Variants in TEX2 observed in about 807,000 individuals in gnomAD.
TEX2 encodes the protein testis expressed 2.
In TEX2, 53 loss-of-function variants were observed where a neutral mutation model predicts 106.9. That is an observed-to-expected ratio of 0.50 (90% confidence interval 0.40 to 0.62). TEX2 has a LOEUF of 0.62. Among genes scored for constraint, TEX2 ranks in the 20% least tolerant of loss-of-function variants. TEX2 has a pLI of 0.00. For missense variants in TEX2, 1,207 were observed against 1,379.0 expected, an observed-to-expected ratio of 0.88 and a Z score of 1.98; for synonymous variants, 523 against 534.8, an observed-to-expected ratio of 0.98 and a Z score of 0.30.
Position 64,228,929 on chromosome 17 carries a change from TACAC to T in TEX2, c.-25-14691_-25-14688del, listed in dbSNP as rs57741930. Among the ~76,000 whole-genome samples, 929 of 146,730 alleles carry T rather than the reference TACAC, an allele frequency of 6.3e-3. 8 individuals are homozygous for T. The highest frequency in any genetic ancestry group is 8.8e-3 in the African/African-American group (348 of 39,476). On this transcript the variant is annotated intron_variant, in intron 1 of 11. Transcript: ENST00000584379. The stretch of plus-strand genomic sequence containing the variant: ...TGGCCTATACCTATGGACTGACAGG[TACAC>T]ACACACACACACACACACACACACA...
rs2033049474 is a variant in TEX2, at chr17:64,212,842, TCACTGTCAAGGACCA to T, written c.1361_1375del (p.Val454_Ser458del). On this transcript the variant is annotated inframe_deletion, in exon 2 of 12. Coordinates refer to ENST00000584379, the MANE Select transcript of TEX2 (RefSeq NM_001288732.2). ...CTGCACGGCCGAGTCCACCTCGTCC[TCACTGTCAAGGACCA>T]CACCATCTTCCGCGAGCACCTCTGG... The T allele has an allele frequency of 6.2e-7, 1 of 1,613,990 alleles. No individual in the cohort carries two copies. Among genetic ancestry groups the T allele is most frequent in the African/African-American group, 1.3e-5 (1 of 74,920 alleles).
chr17:64,153,538 T>C lies in TEX2; in HGVS notation c.2931-384A>G, dbSNP rs2030469707. On this transcript the variant is annotated intron_variant, in intron 9 of 11. Coordinates refer to ENST00000584379, the MANE Select transcript of TEX2 (RefSeq NM_001288732.2). The surrounding 1 kb of genome is among the most constrained non-coding windows in gnomAD (Gnocchi z 4.1). ...TGCAGAGGTTTCTCACCTGTCCTCCTTTATACTACTCCAATACCAGACAGA... is the reference window on the plus strand; with the variant it reads ...TGCAGAGGTTTCTCACCTGTCCTCCCTTATACTACTCCAATACCAGACAGA... Among the ~76,000 whole-genome samples the C allele has an allele frequency of 6.6e-6, 1 of 152,216 alleles. No individual in the cohort carries two copies. Among genetic ancestry groups the C allele is most frequent in the South Asian group, 2.1e-4 (1 of 4,832 alleles).
At chr17:64,190,477 T>C (rs559795521) in intron 4 of TEX2, among the ~76,000 whole-genome samples, 6 of 152,230 alleles carry the variant, frequency 3.9e-5, no homozygotes, top group Admixed American at 1.3e-4. Flanking sequence ...CCACACTCCA[T>C]GTAGAGGAGG....
intron 9 of TEX2, among the ~76,000 whole-genome samples, chr17:64,154,169 C>T (rs375875250): frequency 2.0e-5 from 3 of 152,344 alleles, no homozygotes; most frequent in East Asian, 3.9e-4. Context: ...TTGGCACCAA[C>T]TCCTCAAACA....
Position 64,212,953 on chromosome 17 carries a change from T to C in TEX2, c.1265A>G (p.Tyr422Cys), listed in dbSNP as rs1212407848. 3 of 1,614,118 alleles carry C rather than the reference T, an allele frequency of 1.9e-6. No homozygotes were observed. In the African/African-American group the frequency reaches 4.0e-5, roughly 22 times the overall value. The change falls in exon 2 of 12, where the codon TAC (tyrosine) becomes TGC (cysteine). Residue 422 changes from tyrosine (Y) to cysteine (C), a missense_variant. Tyr to Cys is a radical substitution (Grantham distance 194). Coordinates refer to ENST00000584379, the MANE Select transcript of TEX2 (RefSeq NM_001288732.2). ...CGTTTCCAAATCGAAGTCCTCAGTG[T>C]ACAGTTCACAAAACTCTTCATCTTC... is the stretch of plus-strand genomic sequence containing the variant. ...SKEDEEFCEL[Y>C]TEDFDLETEG...
rs2030194740 is a variant in TEX2, at chr17:64,148,877, G to C, written c.*92C>G. The stretch of plus-strand genomic sequence containing the variant: ...AGTCCTTTAAGAAACAGTAGCTGTG[G>C]CACAGAGGCCAGTGCTACAGTACAG... On this transcript the variant is annotated 3_prime_UTR_variant, in exon 12 of 12. Coordinates refer to ENST00000584379, the MANE Select transcript of TEX2 (RefSeq NM_001288732.2). 6.6e-7 allele frequency: 1 copy of C among 1,507,608 alleles called. No homozygotes were observed. Among genetic ancestry groups the C allele is most frequent in the Non-Finnish European group, 9.0e-7 (1 of 1,106,800 alleles). The allele number at this position is 1,507,608 out of a possible 1,614,324, so 93.4% of individuals were successfully genotyped here.
At chr17:64,170,405 G>C (rs938712120) in intron 7 of TEX2, among the ~76,000 whole-genome samples, 7 of 152,168 alleles carry the variant, frequency 4.6e-5, no homozygotes, top group African/African-American at 1.4e-4. Flanking sequence ...GGCAGCTCCT[G>C]GCAAGCGGCT....
At chr17:64,225,908 G>A (rs1555633840) in intron 1 of TEX2, among the ~76,000 whole-genome samples, 1 of 152,036 alleles carries the variant, frequency 6.6e-6, no homozygotes, top group African/African-American at 2.4e-5. Flanking sequence ...AGTAGAAACA[G>A]AAATTCGCCA....
At position 64,213,190 on chromosome 17, in the gene TEX2, T is replaced by C. The variant is rs1555631914; in HGVS notation, c.1028A>G (p.Asn343Ser). 1 of 1,614,190 alleles carries C rather than the reference T, an allele frequency of 6.2e-7. No homozygotes were observed. The highest frequency in any genetic ancestry group is 1.7e-5 in the Admixed American group (1 of 60,024). Reference protein sequence around the residue: ...SLNGHLESNNNYSIKEEECDS... With the variant: ...SLNGHLESNNSYSIKEEECDS... ...ACACTCCTCCTCCTTGATGCTGTAGTTGTTATTGCTTTCCAAGTGCCCATT... is the reference window on the plus strand; with the variant it reads ...ACACTCCTCCTCCTTGATGCTGTAGCTGTTATTGCTTTCCAAGTGCCCATT... The change falls in exon 2 of 12, where the codon AAC becomes AGC. Residue 343 changes from asparagine (N) to serine (S), a missense_variant. Physicochemically the swap from Asn to Ser is conservative, Grantham distance 46 (BLOSUM62 1). This residue lies in a region of TEX2 where 1,067 missense variants were observed against 1,193.6 expected (regional missense o/e 0.89). Transcript: ENST00000584379. The surrounding 1 kb of genome is among the most constrained non-coding windows in gnomAD (Gnocchi z 4.4).
chr17:64,229,067 G>A (rs1447675373), intron 1 of TEX2, among the ~76,000 whole-genome samples: 2 of 151,320 alleles, frequency 1.3e-5, no homozygotes, highest in East Asian at 3.9e-4. Flanking sequence ...TAGAAACAAC[G>A]CTGCCTTTAA....
chr17:64,249,921 C>T (rs936573211), intron 1 of TEX2, among the ~76,000 whole-genome samples: 5 of 152,144 alleles, frequency 3.3e-5, no homozygotes, highest in Non-Finnish European at 5.9e-5. Flanking sequence ...ATTAACCTAC[C>T]CCATCAGGAT....
At chr17:64,176,319 C>T (rs2031614023) in intron 6 of TEX2, among the ~76,000 whole-genome samples, 2 of 152,152 alleles carry the variant, frequency 1.3e-5, no homozygotes, top group African/African-American at 2.4e-5. Context: ...CCTCTATGCC[C>T]ATATTTTCCT....
At chr17:64,239,524 G>A (rs2033840420) in intron 1 of TEX2, among the ~76,000 whole-genome samples, 1 of 152,102 alleles carries the variant, frequency 6.6e-6, no homozygotes, top group African/African-American at 2.4e-5. Flanking sequence ...CCACTAAAAC[G>A]ATGAATAAAC....
intron 6 of TEX2, among the ~76,000 whole-genome samples, chr17:64,176,380 C>G (rs1417533459): frequency 6.6e-6 from 1 of 152,158 alleles, no homozygotes; most frequent in Non-Finnish European, 1.5e-5. Context: ...AGTCCTTGAA[C>G]TTTCTGAAAT....
At chr17:64,245,418 G>A (rs981080763) in intron 1 of TEX2, among the ~76,000 whole-genome samples, 33 of 152,254 alleles carry the variant, frequency 2.2e-4, no homozygotes, top group African/African-American at 7.5e-4. Context: ...GAAATGCTAT[G>A]CCTATAAAGT....
At chr17:64,246,796 A>G (rs1355362907) in intron 1 of TEX2, among the ~76,000 whole-genome samples, 1 of 152,182 alleles carries the variant, frequency 6.6e-6, no homozygotes, top group African/African-American at 2.4e-5. Flanking sequence ...GGGTAAGCTG[A>G]GGCCCTAAGG....
chr17:64,214,325 G>C (rs1484299765), intron 1 of TEX2, 83 bp from the exon 2 acceptor site: 10 of 1,196,076 alleles, frequency 8.4e-6, no homozygotes, highest in Non-Finnish European at 1.2e-5. Context: ...GAGCACAGAT[G>C]AAGCTGTTTA....
intron 5 of TEX2, among the ~76,000 whole-genome samples, chr17:64,183,506 A>G (rs746030031): frequency 5.3e-5 from 8 of 152,022 alleles, no homozygotes; most frequent in Non-Finnish European, 1.0e-4. Context: ...GGCTCCCTGT[A>G]ACCTCTGCCT....
chr17:64,221,344 C>T (rs2033354085), intron 1 of TEX2, among the ~76,000 whole-genome samples: 1 of 152,090 alleles, frequency 6.6e-6, no homozygotes, highest in African/African-American at 2.4e-5. Flanking sequence ...CACATGTATC[C>T]TGGAACTTAA....
Sources: gnomAD v4.1 joint callset for allele counts (sites outside exome capture counted in the v4.1 genomes callset) on GRCh38, gnomAD v4.1.1 for gene constraint, gnomAD v4.1.1 regional missense constraint, Gnocchi (gnomAD v3.1) non-coding constraint, MANE v1.5 for transcripts, NCBI Gene and HGNC (gene_info 2026-07-23, HGNC 2026-07-21) for gene names.